Variants in AKR1C8 observed in about 807,000 individuals in gnomAD.
AKR1C8 encodes the protein aldo-keto reductase family 1 member C-like protein 1.
At chr10:5,174,617 T>TA in the AKR1C8 span, among the ~76,000 whole-genome samples, 1 of 152,036 alleles carries the variant, frequency 6.6e-6, no homozygotes, top group African/African-American at 2.4e-5. Context: ...ACTTTATGCC[T>TA]AACATATCAA....
At chr10:5,151,001 CT>C in the AKR1C8 span, among the ~76,000 whole-genome samples, 5 of 152,102 alleles carry the variant, frequency 3.3e-5, no homozygotes, top group East Asian at 7.7e-4. Flanking sequence ...TTAAGAATAA[CT>C]TGGTGGGTAG....
the AKR1C8 span, among the ~76,000 whole-genome samples, chr10:5,174,158 TA>T: frequency 1.5e-4 from 22 of 147,376 alleles, no homozygotes; most frequent in African/African-American, 4.7e-4. Flanking sequence ...GCCCTGTTCT[TA>T]AAAAAAAAAC....
At chr10:5,128,116 G>A in the AKR1C8 span, among the ~76,000 whole-genome samples, 2 of 152,114 alleles carry the variant, frequency 1.3e-5, no homozygotes, top group Non-Finnish European at 2.9e-5. Flanking sequence ...GAGGGATTGA[G>A]GTCCTATCTT....
the AKR1C8 span, among the ~76,000 whole-genome samples, chr10:5,142,918 T>C: frequency 2.0e-5 from 3 of 152,048 alleles, no homozygotes; most frequent in African/African-American, 7.2e-5. Flanking sequence ...ATTCCTTTTT[T>C]AAAAAAATAC....
the AKR1C8 span, among the ~76,000 whole-genome samples, chr10:5,178,438 GA>G: frequency 2.0e-5 from 3 of 152,130 alleles, no homozygotes; most frequent in Admixed American, 2.0e-4. Flanking sequence ...GTGTGGTGCT[GA>G]AAAAAATGTA....
chr10:5,116,339 T>G, the AKR1C8 span, among the ~76,000 whole-genome samples: 4 of 152,042 alleles, frequency 2.6e-5, no homozygotes, highest in African/African-American at 9.7e-5. Flanking sequence ...TTCTTCCCTC[T>G]AGAACTAAGA....
chr10:5,174,565 T>C, the AKR1C8 span, among the ~76,000 whole-genome samples: 7 of 151,972 alleles, frequency 4.6e-5, 1 homozygote, highest in South Asian at 4.1e-4. Context: ...CCTGAGGACA[T>C]AGAGAAATAA....
chr10:5,175,506 A>G, the AKR1C8 span, among the ~76,000 whole-genome samples: 14 of 152,048 alleles, frequency 9.2e-5, no homozygotes, highest in South Asian at 1.5e-3. Context: ...TGGGATGGCT[A>G]GGTCAAATGG....
At chr10:5,147,602 A>C in the AKR1C8 span, among the ~76,000 whole-genome samples, 1 of 152,120 alleles carries the variant, frequency 6.6e-6, no homozygotes, top group Non-Finnish European at 1.5e-5. Context: ...AATCCCAGCA[A>C]GGCAGACGTT....
chr10:5,147,076 A>C, the AKR1C8 span, among the ~76,000 whole-genome samples: 2 of 152,192 alleles, frequency 1.3e-5, no homozygotes, highest in Non-Finnish European at 2.9e-5. Flanking sequence ...TGAGGGCCCC[A>C]GGCTGCTTCC....
At chr10:5,167,787 G>C in the AKR1C8 span, among the ~76,000 whole-genome samples, 1 of 148,540 alleles carries the variant, frequency 6.7e-6, no homozygotes, top group Admixed American at 6.7e-5. Context: ...ACAAAAAAAA[G>C]ACAGTAAATG....
At chr10:5,175,711 T>C in the AKR1C8 span, among the ~76,000 whole-genome samples, 1 of 152,250 alleles carries the variant, frequency 6.6e-6, no homozygotes, top group East Asian at 1.9e-4. Flanking sequence ...TTGATTTGCA[T>C]TTCTCTGATG....
At chr10:5,150,923 G>A in the AKR1C8 span, among the ~76,000 whole-genome samples, 1 of 152,130 alleles carries the variant, frequency 6.6e-6, no homozygotes, top group Non-Finnish European at 1.5e-5. Context: ...ACTGTTCCAG[G>A]TATATAGAAG....
At chr10:5,144,613 G>A in the AKR1C8 span, among the ~76,000 whole-genome samples, 8 of 151,792 alleles carry the variant, frequency 5.3e-5, no homozygotes, top group Non-Finnish European at 7.4e-5. Flanking sequence ...TGGATTCCTA[G>A]GTATTTTATT....
chr10:5,143,271 C>A, the AKR1C8 span, among the ~76,000 whole-genome samples: 1 of 152,096 alleles, frequency 6.6e-6, no homozygotes, highest in Non-Finnish European at 1.5e-5. Context: ...CATCTTCTAC[C>A]CGTGGACATC....
the AKR1C8 span, among the ~76,000 whole-genome samples, chr10:5,180,031 T>C: frequency 6.6e-6 from 1 of 152,224 alleles, no homozygotes. Context: ...CTGCGTTCGT[T>C]TGGAGGAGGA....
chr10:5,146,736 A>G, the AKR1C8 span, among the ~76,000 whole-genome samples: 1 of 152,118 alleles, frequency 6.6e-6, no homozygotes, highest in Non-Finnish European at 1.5e-5. Context: ...TCTTTAGTTT[A>G]ATTAGGTCCC....
chr10:5,170,758 C>T, the AKR1C8 span, among the ~76,000 whole-genome samples: 1 of 152,090 alleles, frequency 6.6e-6, no homozygotes, highest in Non-Finnish European at 1.5e-5. Context: ...GCACACCATT[C>T]CAGTCAAAGC....
chr10:5,168,393 T>C, the AKR1C8 span, among the ~76,000 whole-genome samples: 2 of 152,030 alleles, frequency 1.3e-5, no homozygotes, highest in Admixed American at 6.6e-5. Context: ...CACATAGTCA[T>C]CAATTCCTCC....
Sources: gnomAD v4.1 joint callset for allele counts (sites outside exome capture counted in the v4.1 genomes callset) on GRCh38, gnomAD v4.1.1 for gene constraint, MANE v1.5 for transcripts, NCBI Gene and HGNC (gene_info 2026-07-23, HGNC 2026-07-21) for gene names.